The following EXT2 variants were observed in gnomAD, a reference collection of about 807,000 sequenced individuals.
The protein encoded by EXT2 is exostosin glycosyltransferase 2.
A neutral mutation model predicts 81.6 loss-of-function variants in EXT2; 53 were observed. The ratio of observed to expected loss-of-function variants is 0.65; its 90% CI spans 0.52 to 0.82. The LOEUF (loss-of-function observed/expected upper bound fraction) is 0.82. Ranked by LOEUF, EXT2 falls within the 40% of genes least tolerant of loss-of-function variation. EXT2 has a pLI of 0.00. For missense variants in EXT2, 774 were observed against 910.2 expected, an observed-to-expected ratio of 0.85 and a Z score of 1.93; for synonymous variants, 320 against 340.0, an observed-to-expected ratio of 0.94 and a Z score of 0.65.
chr11:44,105,479 A>G (rs1231413588), intron 1 of EXT2, among the ~76,000 whole-genome samples: 1 of 152,092 alleles, frequency 6.6e-6, no homozygotes, highest in Non-Finnish European at 1.5e-5. Flanking sequence ...TTTAGTAGAG[A>G]CAGGGTTTCA....
Position 44,124,883 on chromosome 11 carries a change from G to A in EXT2, c.838G>A (p.Val280Met). The change falls in exon 5 of 14, where the codon GTG becomes ATG. Residue 280 changes from valine (V) to methionine (M), a missense_variant. By Grantham distance (21) the Val-to-Met change is conservative. Coordinates refer to ENST00000533608, the MANE Select transcript of EXT2 (RefSeq NM_207122.2). ...CCTCCAGGTCAAACATGGAGAGTCA[G>A]TGTTAGTACTCGATAAATGCACCAA... is the stretch of plus-strand genomic sequence containing the variant. The part of the protein sequence containing the change: ...EALQVKHGES[V>M]LVLDKCTNLS... 6.2e-7 allele frequency: 1 copy of A among 1,614,142 alleles called. No homozygotes were observed.
rs1378529249 is a variant in EXT2, at chr11:44,245,097, A to T, written c.*810A>T. On this transcript the variant is annotated 3_prime_UTR_variant, in exon 14 of 14. Transcript: ENST00000533608. ...CTGCATCAAGCGTAAGAAGGTCCCA[A>T]ATCATAACCATTTTAAGAACAGATG... The T allele has an allele frequency of 4.3e-6, 1 of 230,790 alleles. No homozygotes were observed. Among genetic ancestry groups the T allele is most frequent in the Non-Finnish European group, 8.6e-6 (1 of 116,512 alleles). 14.3% of individuals were successfully genotyped at this position (230,790 alleles called of 1,614,324 possible).
chr11:44,187,948 C>A (rs901397852), intron 8 of EXT2, among the ~76,000 whole-genome samples: 6 of 152,102 alleles, frequency 3.9e-5, no homozygotes, highest in Admixed American at 3.3e-4. Flanking sequence ...TTGTTTTCAT[C>A]TTGTACCCAA....
chr11:44,096,156 T>G, intron 1 of EXT2: 2 of 1,229,442 alleles, frequency 1.6e-6, no homozygotes, highest in Non-Finnish European at 2.3e-6. Context: ...CGCTCCTTCC[T>G]TTCCTCCTGC....
rs368087959 is a variant in EXT2 at position 44,114,215 on chromosome 11, G to A, written c.657G>A (p.Thr219=). The change falls in exon 4 of 14, where the codon ACG becomes ACA. Residue 219 remains threonine, a synonymous_variant. Coordinates refer to ENST00000533608, the MANE Select transcript of EXT2 (RefSeq NM_207122.2). ...TGTTGGCTGGTGGCGGCTTTTCTAC[G>A]TGGACTTACCGGCAAGGCTACGATG... ...RALLAGGGFS[T]WTYRQGYDVS... is the part of the protein sequence containing the mutation. 8 of 1,613,964 alleles carry A rather than the reference G, an allele frequency of 5.0e-6. No individual in the cohort carries two copies. Among genetic ancestry groups the A allele is most frequent in the Middle Eastern group, 1.7e-4 (1 of 6,060 alleles).
intron 7 of EXT2, among the ~76,000 whole-genome samples, chr11:44,161,391 G>A (rs976751633): frequency 6.6e-6 from 1 of 152,022 alleles, no homozygotes; most frequent in African/African-American, 2.4e-5. Context: ...CTGCTCAGGA[G>A]GCCAAGACAG....
chr11:44,193,660 C>T (rs1955420902), intron 8 of EXT2, among the ~76,000 whole-genome samples: 1 of 152,146 alleles, frequency 6.6e-6, no homozygotes, highest in African/African-American at 2.4e-5. Flanking sequence ...AATAATTGAG[C>T]CTGTGTTTGA....
intron 7 of EXT2, among the ~76,000 whole-genome samples, chr11:44,153,917 T>A (rs1198477652): frequency 6.6e-6 from 1 of 152,012 alleles, no homozygotes; most frequent in African/African-American, 2.4e-5. Context: ...GAATACTGGT[T>A]GTTGTTGTTT....
At chr11:44,173,862 C>G (rs559016731) in intron 8 of EXT2, among the ~76,000 whole-genome samples, 1 of 152,002 alleles carries the variant, frequency 6.6e-6, no homozygotes, top group African/African-American at 2.4e-5. Flanking sequence ...CCACCGCGCC[C>G]GGCCTTTTTT....
intron 8 of EXT2, among the ~76,000 whole-genome samples, chr11:44,187,282 A>C (rs1045207060): frequency 1.4e-5 from 2 of 139,944 alleles, no homozygotes; most frequent in Admixed American, 8.1e-5. Context: ...GGCTCCACCA[A>C]TCCTCCTGCT....
chr11:44,142,699 G>C (rs776939410), intron 7 of EXT2, among the ~76,000 whole-genome samples: 18 of 152,176 alleles, frequency 1.2e-4, no homozygotes, highest in Non-Finnish European at 2.1e-4. Flanking sequence ...GCAGACTATG[G>C]TTGAGGGCAG....
At position 44,199,313 on chromosome 11, in the gene EXT2, AAAG is replaced by A. The variant is rs143951421; in HGVS notation, c.1495+1299_1495+1301del. Among the ~76,000 whole-genome samples, 1,149 of 152,360 alleles carry A rather than the reference AAAG, an allele frequency of 7.5e-3. 12 individuals are homozygous for A. The highest frequency in any genetic ancestry group is 0.025 in the African/African-American group (1,059 of 41,592). The stretch of plus-strand genomic sequence containing the variant: ...GAGAGACAATTATAAGGAACTATGT[AAAG>A]AAGGAAATTGTTGACTTGGATTTCT... On this transcript the variant is annotated intron_variant, in intron 9 of 13. Transcript: ENST00000533608.
In EXT2 at chr11:44,244,700, AG is replaced by A; in HGVS notation, c.*414del. The A allele has an allele frequency of 3.4e-6, 1 of 290,264 alleles. No homozygotes were observed. Among genetic ancestry groups the A allele is most frequent in the Non-Finnish European group, 6.6e-6 (1 of 152,050 alleles). 18.0% of individuals were successfully genotyped at this position (290,264 alleles called of 1,614,324 possible). On this transcript the variant is annotated 3_prime_UTR_variant, in exon 14 of 14. Transcript: ENST00000533608. ...CTGGGGAATCATGTAAAGGGTACCC[AG>A]ACCTCACTTTTAGTTATTTACATCA... is the stretch of plus-strand genomic sequence containing the variant.
intron 8 of EXT2, among the ~76,000 whole-genome samples, chr11:44,184,552 C>T (rs1391988121): frequency 6.6e-6 from 1 of 152,056 alleles, no homozygotes. Context: ...GAGATGGAGA[C>T]CATCCTGGCT....
chr11:44,126,679 CT>C (rs1193739494), intron 5 of EXT2, 136 bp from the exon 6 acceptor site: 1 of 1,017,770 alleles, frequency 9.8e-7, no homozygotes, highest in African/African-American at 1.6e-5. Flanking sequence ...GAGCTGTTGT[CT>C]TTTGGCATTT....
intron 1 of EXT2, among the ~76,000 whole-genome samples, chr11:44,105,491 C>G: frequency 6.6e-6 from 1 of 152,116 alleles, no homozygotes; most frequent in South Asian, 2.1e-4. Context: ...AGGGTTTCAC[C>G]ATGTTGGCTA....
chr11:44,104,345 TAC>T (rs1954025275), intron 1 of EXT2, among the ~76,000 whole-genome samples: 1 of 152,074 alleles, frequency 6.6e-6, no homozygotes, highest in South Asian at 2.1e-4. Flanking sequence ...AATATCCATA[TAC>T]ACACATATAT....
intron 4 of EXT2, among the ~76,000 whole-genome samples, chr11:44,120,793 G>C (rs1954304648): frequency 3.3e-5 from 5 of 152,238 alleles, no homozygotes. Context: ...TTTGGCCTCA[G>C]CTGGAATTCT....
intron 7 of EXT2, among the ~76,000 whole-genome samples, chr11:44,150,077 T>C (rs192964001): frequency 5.3e-5 from 8 of 152,180 alleles, no homozygotes; most frequent in African/African-American, 1.7e-4. Context: ...GCCTTTTTTT[T>C]CCTCAGCACC....
Sources: allele counts gnomAD v4.1 joint callset (sites outside exome capture counted in the v4.1 genomes callset), GRCh38; gene constraint gnomAD v4.1.1; transcripts MANE v1.5; gene names NCBI Gene and HGNC (gene_info 2026-07-23, HGNC 2026-07-21).